The following SORCS3 variants were observed in gnomAD, a reference collection of about 807,000 sequenced individuals.
SORCS3 encodes the protein sortilin related VPS10 domain containing receptor 3, also known as VPS10 domain-containing receptor SorCS3.
Under a neutral mutation model 146.3 loss-of-function variants are expected in SORCS3, and 57 were observed. The observed-to-expected ratio is 0.39, with a 90% confidence interval of 0.31 to 0.49. The LOEUF (loss-of-function observed/expected upper bound fraction) is 0.49, where lower values mean the gene tolerates loss of function less well. SORCS3 is among the 20% of genes least tolerant of loss of function. The pLI is 0.92. For missense variants in SORCS3, 1,341 were observed against 1,575.5 expected (o/e 0.85, Z 2.52); for synonymous variants, 653 against 618.5 (o/e 1.06, Z -0.83).
At chr10:104,979,247 T>C (rs899763640) in intron 4 of SORCS3, among the ~76,000 whole-genome samples, 3 of 152,234 alleles carry the variant, frequency 2.0e-5, no homozygotes, top group Non-Finnish European at 2.9e-5. Context: ...GTTAGATGAA[T>C]GAATTAGTGG....
At position 104,861,068 on chromosome 10, in the gene SORCS3, G is replaced by A. The variant is rs138792500; in HGVS notation, c.695+18209G>A. Among the ~76,000 whole-genome samples, 607 of 152,314 alleles carry A rather than the reference G, an allele frequency of 4.0e-3. 5 individuals are homozygous for A. The highest frequency in any genetic ancestry group is 0.013 in the African/African-American group (557 of 41,562). Reference sequence around the variant, plus strand: ...CCTGTTCTGGTTTCATCAAGGAGAGGTGTGTGGAAGGGTCCAGTCTCCTTC... The same window carrying A: ...CCTGTTCTGGTTTCATCAAGGAGAGATGTGTGGAAGGGTCCAGTCTCCTTC... On this transcript the variant is annotated intron_variant, in intron 2 of 26. Transcript: ENST00000369701.
chr10:105,160,770 C>T (rs1425545558), intron 11 of SORCS3, among the ~76,000 whole-genome samples: 1 of 152,340 alleles, frequency 6.6e-6, no homozygotes, highest in East Asian at 1.9e-4. Context: ...TCATCTCCTT[C>T]AATAAATCCA....
intron 8 of SORCS3, 72 bp downstream of exon 8, chr10:105,139,558 G>T: frequency 8.3e-7 from 1 of 1,201,084 alleles, no homozygotes; most frequent in Non-Finnish European, 1.2e-6. Flanking sequence ...GCTTTGTTGG[G>T]CTACTGGGAG....
intron 7 of SORCS3, among the ~76,000 whole-genome samples, chr10:105,129,463 C>T (rs2056001895): frequency 6.6e-6 from 1 of 150,384 alleles, no homozygotes; most frequent in Admixed American, 6.7e-5. Flanking sequence ...TTAGAGGTTT[C>T]ATGGGCAGTG....
chr10:104,994,979 G>A (rs72815689), intron 4 of SORCS3, among the ~76,000 whole-genome samples: 1 of 152,114 alleles, frequency 6.6e-6, no homozygotes, highest in Non-Finnish European at 1.5e-5. Flanking sequence ...ATATGATAGA[G>A]GTAGTTTCAA....
At chr10:104,986,883 T>C (rs11192264) in intron 4 of SORCS3, among the ~76,000 whole-genome samples, 27,223 of 152,070 alleles carry the variant, frequency 0.18, 2,523 homozygotes, top group South Asian at 0.26. Context: ...ATAACAGATA[T>C]AATAATAATG....
At chr10:104,965,207 T>C (rs1300783116) in intron 3 of SORCS3, among the ~76,000 whole-genome samples, 1 of 152,228 alleles carries the variant, frequency 6.6e-6, no homozygotes, top group Non-Finnish European at 1.5e-5. Context: ...GACCTTGCTT[T>C]CAATTGCAAG....
intron 3 of SORCS3, among the ~76,000 whole-genome samples, chr10:104,964,838 A>G (rs1267846046): frequency 1.3e-5 from 2 of 152,190 alleles, no homozygotes; most frequent in Non-Finnish European, 2.9e-5. Flanking sequence ...TTGCAAAACT[A>G]AAACTCTATA....
intron 16 of SORCS3, among the ~76,000 whole-genome samples, chr10:105,208,007 C>T (rs1345301423): frequency 6.6e-6 from 1 of 152,064 alleles, no homozygotes; most frequent in African/African-American, 2.4e-5. Context: ...AGTAAGGATA[C>T]ACCACAGCCC....
chr10:105,117,787 C>T (rs1404217583), intron 7 of SORCS3, among the ~76,000 whole-genome samples: 2 of 152,154 alleles, frequency 1.3e-5, no homozygotes, highest in African/African-American at 4.8e-5. Context: ...ATTGCTTTTG[C>T]CAAGTTCATC....
chr10:104,644,628 T>A (rs1382168325), intron 1 of SORCS3, among the ~76,000 whole-genome samples: 1 of 152,192 alleles, frequency 6.6e-6, no homozygotes, highest in Non-Finnish European at 1.5e-5. Context: ...TGGAGGGAGA[T>A]GTCCGTAAAA....
At chr10:105,137,893 A>G (rs752386011) in intron 7 of SORCS3, among the ~76,000 whole-genome samples, 15 of 152,248 alleles carry the variant, frequency 9.9e-5, no homozygotes, top group Non-Finnish European at 1.3e-4. Context: ...AATACATACA[A>G]TCATGTGAGA....
chr10:105,141,479 C>T (rs952461789), intron 8 of SORCS3, among the ~76,000 whole-genome samples: 3 of 152,130 alleles, frequency 2.0e-5, no homozygotes, highest in Non-Finnish European at 4.4e-5. Flanking sequence ...TTTGCTGTTC[C>T]ATGCAGTGCC....
At position 105,263,475 on chromosome 10, in the gene SORCS3, G is replaced by A. The variant is rs1333393616; in HGVS notation, c.*101G>A. On this transcript the variant is annotated 3_prime_UTR_variant, in exon 27 of 27. Coordinates refer to ENST00000369701, the MANE Select transcript of SORCS3 (RefSeq NM_014978.3). ...AATTAAAATGTCTTTTTTACCTTTT[G>A]TTTACCAAGGGCCCCTTCATAAATA... The A allele has an allele frequency of 3.4e-6, 4 of 1,160,362 alleles. No individual in the cohort carries two copies. Among genetic ancestry groups the A allele is most frequent in the Non-Finnish European group, 3.7e-6 (3 of 803,710 alleles). The allele number at this position is 1,160,362 out of a possible 1,614,324, so 71.9% of individuals were successfully genotyped here.
At chr10:104,919,208 A>G (rs1222180973) in intron 3 of SORCS3, among the ~76,000 whole-genome samples, 1 of 152,204 alleles carries the variant, frequency 6.6e-6, no homozygotes, top group African/African-American at 2.4e-5. Context: ...ACTAGTGCTC[A>G]ATAAACAGAA....
At chr10:104,663,613 A>G (rs577131373) in intron 1 of SORCS3, among the ~76,000 whole-genome samples, 1 of 152,224 alleles carries the variant, frequency 6.6e-6, no homozygotes, top group South Asian at 2.1e-4. Flanking sequence ...GATGGGAGAC[A>G]TTTTCACTAG....
At chr10:104,735,456 G>GTTGTTTTTTTTTTTTT (rs2016757341) in intron 1 of SORCS3, among the ~76,000 whole-genome samples, 1 of 34,994 alleles carries the variant, frequency 2.9e-5, no homozygotes, top group Non-Finnish European at 4.8e-5. Flanking sequence ...CTCACCGTCT[G>GTTGTTTTTTTTTTTTT]TTTTTTTTTT....
At chr10:105,013,901 G>A (rs2055149066) in intron 4 of SORCS3, among the ~76,000 whole-genome samples, 2 of 151,672 alleles carry the variant, frequency 1.3e-5, no homozygotes, top group South Asian at 4.2e-4. Flanking sequence ...GTGTGTGGTT[G>A]GAGTGGGTTG....
intron 1 of SORCS3, among the ~76,000 whole-genome samples, chr10:104,684,566 C>G (rs1190471119): frequency 6.6e-6 from 1 of 152,138 alleles, no homozygotes; most frequent in African/African-American, 2.4e-5. Flanking sequence ...GTTTGTGGCT[C>G]CTCAGTGGAC....
Sources: allele counts gnomAD v4.1 joint callset (sites outside exome capture counted in the v4.1 genomes callset), GRCh38; gene constraint gnomAD v4.1.1; transcripts MANE v1.5; gene names NCBI Gene and HGNC (gene_info 2026-07-23, HGNC 2026-07-21).